The following PTPRM variants were observed in gnomAD, a reference collection of about 807,000 sequenced individuals.
The protein encoded by PTPRM is protein tyrosine phosphatase receptor type M, also known as receptor-type tyrosine-protein phosphatase mu.
Under a neutral mutation model 186.7 loss-of-function variants are expected in PTPRM, and 47 were observed. The observed-to-expected ratio is 0.25, with a 90% confidence interval of 0.20 to 0.32. PTPRM has a LOEUF of 0.32. Ranked by LOEUF, PTPRM falls within the 10% of genes least tolerant of loss-of-function variation. PTPRM has a pLI of 1.00. For synonymous variants in PTPRM, 668 were observed against 674.9 expected, an observed-to-expected ratio of 0.99 and a Z score of 0.16; for missense variants, 1,494 against 1,865.0, an observed-to-expected ratio of 0.80 and a Z score of 3.66.
chr18:7,792,831 A>AT (rs1568136940), intron 2 of PTPRM, among the ~76,000 whole-genome samples: 1 of 151,874 alleles, frequency 6.6e-6, no homozygotes, highest in African/African-American at 2.4e-5. Flanking sequence ...CACCTGGCTA[A>AT]TTTTTTTGTT....
chr18:7,843,176 T>C (rs950234289), intron 2 of PTPRM, among the ~76,000 whole-genome samples: 15 of 152,128 alleles, frequency 9.9e-5, no homozygotes, highest in Admixed American at 2.0e-4. Context: ...AACTAGATTT[T>C]TGGACTCCAG....
chr18:7,596,064 T>C (rs1034462662), intron 1 of PTPRM, among the ~76,000 whole-genome samples: 8 of 152,228 alleles, frequency 5.3e-5, no homozygotes, highest in Non-Finnish European at 1.2e-4. Context: ...TTATCTGCAG[T>C]TGTGCTTTCT....
At chr18:8,384,414 C>A in intron 29 of PTPRM, 147 bp from the exon 30 acceptor site, 2 of 869,892 alleles carry the variant, frequency 2.3e-6, no homozygotes, top group Non-Finnish European at 3.5e-6. Flanking sequence ...GCCATGATCG[C>A]ACCACTGCAC....
At chr18:8,123,521 A>C (rs1366428977) in intron 13 of PTPRM, among the ~76,000 whole-genome samples, 1 of 152,208 alleles carries the variant, frequency 6.6e-6, no homozygotes, top group African/African-American at 2.4e-5. Flanking sequence ...AATTCTGTAC[A>C]TATTTTCAGT....
chr18:8,155,152 G>C (rs9947031), intron 14 of PTPRM: 21 of 152,102 alleles, frequency 1.4e-4, no homozygotes, highest in African/African-American at 4.8e-4. Context: ...TGTATAATTA[G>C]ATATATTTGT....
intron 5 of PTPRM, among the ~76,000 whole-genome samples, chr18:7,934,010 C>A (rs1014774284): frequency 1.3e-5 from 2 of 152,210 alleles, no homozygotes; most frequent in African/African-American, 4.8e-5. Flanking sequence ...CATGAAACTT[C>A]TGTCCTAATT....
At chr18:8,106,391 A>G (rs1292179292) in intron 11 of PTPRM, among the ~76,000 whole-genome samples, 3 of 151,722 alleles carry the variant, frequency 2.0e-5, no homozygotes, top group Middle Eastern at 3.2e-3. Flanking sequence ...GCATTGCAGG[A>G]GCAGTTTTAG....
At chr18:7,756,844 C>T (rs2041517783) in intron 1 of PTPRM, among the ~76,000 whole-genome samples, 1 of 152,052 alleles carries the variant, frequency 6.6e-6, no homozygotes, top group Non-Finnish European at 1.5e-5. Flanking sequence ...AACGTTTTTG[C>T]CCTCCTTTTT....
chr18:8,089,150 C>A (rs2090583276), intron 11 of PTPRM, among the ~76,000 whole-genome samples: 1 of 152,120 alleles, frequency 6.6e-6, no homozygotes, highest in African/African-American at 2.4e-5. Flanking sequence ...CTGCTTGATG[C>A]AATTTGGTTA....
intron 14 of PTPRM, among the ~76,000 whole-genome samples, chr18:8,176,060 G>A (rs1330238495): frequency 6.6e-6 from 1 of 152,118 alleles, no homozygotes; most frequent in Non-Finnish European, 1.5e-5. Context: ...TATTCACAAA[G>A]TATTAAAAAT....
In PTPRM at chr18:7,893,546, C is replaced by T. The variant is rs78976293; in HGVS notation, c.468+5169C>T. Among the ~76,000 whole-genome samples the T allele has an allele frequency of 1.9e-3, 283 of 152,254 alleles. 1 individual carries two copies. Among genetic ancestry groups the T allele is most frequent in the Non-Finnish European group, 1.7e-3 (113 of 68,036 alleles). Reference sequence around the variant, plus strand: ...GAGCAAAAATATTGTTAACACTGGCCGCCCTCATGCAGGTGGGCTACTACC... The same window carrying T: ...GAGCAAAAATATTGTTAACACTGGCTGCCCTCATGCAGGTGGGCTACTACC... On this transcript the variant is annotated intron_variant, in intron 3 of 32. Transcript: ENST00000580170.
intron 14 of PTPRM, among the ~76,000 whole-genome samples, chr18:8,214,030 G>A (rs2094043789): frequency 1.3e-5 from 2 of 152,130 alleles, no homozygotes; most frequent in Admixed American, 6.6e-5. Flanking sequence ...AATACCACAT[G>A]TTCTCACTTA....
intron 7 of PTPRM, among the ~76,000 whole-genome samples, chr18:8,035,276 A>G (rs1346915433): frequency 6.6e-6 from 1 of 152,208 alleles, no homozygotes; most frequent in African/African-American, 2.4e-5. Context: ...AAATTGAATA[A>G]AAAGTTTAAT....
intron 2 of PTPRM, among the ~76,000 whole-genome samples, chr18:7,843,094 G>C (rs2046433511): frequency 6.6e-6 from 1 of 151,518 alleles, no homozygotes. Context: ...CCATTTTACA[G>C]ATAAAAGCAC....
At chr18:8,047,497 A>G (rs533269630) in intron 7 of PTPRM, among the ~76,000 whole-genome samples, 79 of 152,324 alleles carry the variant, frequency 5.2e-4, no homozygotes, top group African/African-American at 1.4e-3. Context: ...CCAAAGAACA[A>G]AAATGTCTTG....
At position 7,652,368 on chromosome 18, in the gene PTPRM, A is replaced by G. The variant is rs558479885; in HGVS notation, c.73+84477A>G. 1.0e-2 allele frequency among the ~76,000 whole-genome samples: 1,519 copies of G among 152,270 alleles called. 12 individuals are homozygous for G. The highest frequency in any genetic ancestry group is 0.017 in the Middle Eastern group (5 of 294). On this transcript the variant is annotated intron_variant, in intron 1 of 32. Transcript: ENST00000580170. ...GGCGATTCCTCAGGGATCTAGAACCAGAAATACCATTTGACCCAGCCATCC... is the reference window on the plus strand; with the variant it reads ...GGCGATTCCTCAGGGATCTAGAACCGGAAATACCATTTGACCCAGCCATCC...
chr18:7,886,484 A>G (rs1264289632), intron 2 of PTPRM, among the ~76,000 whole-genome samples: 2 of 152,214 alleles, frequency 1.3e-5, no homozygotes, highest in Middle Eastern at 3.2e-3. Context: ...TTCTAGGTAC[A>G]TAACATTCAT....
chr18:8,378,251 A>T lies in PTPRM; in HGVS notation c.3463-14A>T. On this transcript the variant is annotated splice_polypyrimidine_tract_variant and intron_variant, in intron 26 of 32. Coordinates refer to ENST00000580170, the MANE Select transcript of PTPRM (RefSeq NM_001105244.2). Reference sequence around the variant, plus strand: ...TTCTCTAAAGTTAGTAACTCGTTCCATCTCCTTCTCCAGGAGCAGTATGTG... The same window carrying T: ...TTCTCTAAAGTTAGTAACTCGTTCCTTCTCCTTCTCCAGGAGCAGTATGTG... The T allele has an allele frequency of 6.2e-7, 1 of 1,603,664 alleles. No individual in the cohort carries two copies. The highest frequency in any genetic ancestry group is 1.1e-5 in the South Asian group (1 of 90,300).
rs1568675343 is a variant in PTPRM at position 8,289,575 on chromosome 18, T to TACATATATATACATATATATATACAC, written c.2755-6782_2755-6781insCATATATATATACACACATATATATA. ...ACATATATATACACATATATATATA[T>TACATATATATACATATATATATACAC]ACATATATATATACACATATATATA... On this transcript the variant is annotated intron_variant, in intron 19 of 32. Coordinates refer to ENST00000580170, the MANE Select transcript of PTPRM (RefSeq NM_001105244.2). 2.3e-4 allele frequency among the ~76,000 whole-genome samples: 25 copies of TACATATATATACATATATATATACAC among 109,210 alleles called. 2 individuals carry two copies. The highest frequency in any genetic ancestry group is 5.0e-4 in the African/African-American group (11 of 21,886). The allele number at this position is 109,210 out of a possible 152,430, so 71.6% of individuals were successfully genotyped here. A position where few individuals can be genotyped will look rare whatever the true frequency, so the allele number is the denominator to read the frequency against.
Sources: gnomAD v4.1 joint callset for allele counts (sites outside exome capture counted in the v4.1 genomes callset) on GRCh38, gnomAD v4.1.1 for gene constraint, MANE v1.5 for transcripts, NCBI Gene and HGNC (gene_info 2026-07-23, HGNC 2026-07-21) for gene names.